The following GNG2 variants were observed in gnomAD, a reference collection of about 807,000 sequenced individuals.
GNG2 encodes the protein G protein subunit gamma 2, also known as guanine nucleotide-binding protein G(I)/G(S)/G(O) subunit gamma-2.
GNG2 carries 5 observed loss-of-function variants against 5.5 expected under a neutral mutation model. The ratio of observed to expected loss-of-function variants is 0.91; its 90% CI spans 0.48 to 1.92. The LOEUF (loss-of-function observed/expected upper bound fraction) is 1.92, where lower values mean the gene tolerates loss of function less well. Ranked by LOEUF, GNG2 falls within the 30% of genes most tolerant of loss-of-function variation. GNG2 has a pLI of 0.01. For synonymous variants in GNG2, 28 were observed against 32.0 expected, an observed-to-expected ratio of 0.88 and a Z score of 0.42; for missense variants, 55 against 88.4, an observed-to-expected ratio of 0.62 and a Z score of 1.52.
intron 2 of GNG2, among the ~76,000 whole-genome samples, chr14:51,848,498 C>A (rs1881745637): frequency 6.6e-6 from 1 of 152,186 alleles, no homozygotes; most frequent in African/African-American, 2.4e-5. Flanking sequence ...ACACACCCAA[C>A]TTCTGCAGTC....
chr14:51,907,849 C>T (rs1326762954), intron 2 of GNG2, among the ~76,000 whole-genome samples: 2 of 152,056 alleles, frequency 1.3e-5, no homozygotes, highest in African/African-American at 4.8e-5. Flanking sequence ...TGGTCTTTAC[C>T]GATTTAGGTT....
At chr14:51,862,923 A>G (rs1242368318) in intron 1 of GNG2, among the ~76,000 whole-genome samples, 1 of 150,658 alleles carries the variant, frequency 6.6e-6, no homozygotes, top group Non-Finnish European at 1.5e-5. Flanking sequence ...AGACTTAATG[A>G]TTTTTCCTGG....
At chr14:51,827,655 T>C (rs1029626740) in intron 1 of GNG2, 59 of 699,110 alleles carry the variant, frequency 8.4e-5, no homozygotes, top group Non-Finnish European at 1.3e-4. Flanking sequence ...ACGTATATGT[T>C]TACATATCCC....
rs1430865312 is a variant in GNG2, at chr14:51,967,531, G to C, written c.*844G>C. The C allele has an allele frequency of 6.6e-6, 1 of 152,090 alleles. No homozygotes were observed. The highest frequency in any genetic ancestry group is 1.5e-5 in the Non-Finnish European group (1 of 68,020). 9.4% of individuals were successfully genotyped at this position (152,090 alleles called of 1,614,324 possible). On this transcript the variant is annotated 3_prime_UTR_variant, in exon 4 of 4. Transcript: ENST00000556766. The stretch of plus-strand genomic sequence containing the variant: ...TCTAAAGCTGGGAAAGGAAATGAGA[G>C]GGAAAAGACCCCGGAGAGGGAAGAA...
At chr14:51,911,951 A>G (rs1244471102) in intron 2 of GNG2, among the ~76,000 whole-genome samples, 1 of 148,470 alleles carries the variant, frequency 6.7e-6, no homozygotes, top group African/African-American at 2.5e-5. Context: ...AGTAAATGAA[A>G]AAAAGTATAG....
At chr14:51,953,932 A>G (rs1369473623) in intron 3 of GNG2, among the ~76,000 whole-genome samples, 1 of 152,096 alleles carries the variant, frequency 6.6e-6, no homozygotes, top group Non-Finnish European at 1.5e-5. Flanking sequence ...GGCTTTATAT[A>G]CGTCTGGCAG....
intron 2 of GNG2, among the ~76,000 whole-genome samples, chr14:51,880,976 A>AAC (rs1019854812): frequency 4.0e-5 from 6 of 150,328 alleles, no homozygotes; most frequent in African/African-American, 7.3e-5. Flanking sequence ...AGAAAAAAAA[A>AAC]AAAAAAAAAA....
chr14:51,925,002 G>T (rs1298055655), intron 2 of GNG2, among the ~76,000 whole-genome samples: 2 of 152,152 alleles, frequency 1.3e-5, no homozygotes, highest in African/African-American at 4.8e-5. Context: ...TTTTATAAAG[G>T]ATTCAAAATC....
At chr14:51,879,784 G>A (rs1286853001) in intron 2 of GNG2, among the ~76,000 whole-genome samples, 3 of 152,124 alleles carry the variant, frequency 2.0e-5, no homozygotes, top group Admixed American at 1.3e-4. Flanking sequence ...ACCTGGATAA[G>A]CCAGGCTAAT....
intron 2 of GNG2, among the ~76,000 whole-genome samples, chr14:51,850,673 G>A (rs780973373): frequency 6.6e-6 from 1 of 152,198 alleles, no homozygotes; most frequent in Non-Finnish European, 1.5e-5. Flanking sequence ...TCTGCAGTCT[G>A]AACAGGAAGC....
intron 2 of GNG2, among the ~76,000 whole-genome samples, chr14:51,917,014 C>G (rs904623184): frequency 6.6e-6 from 1 of 152,124 alleles, no homozygotes; most frequent in African/African-American, 2.4e-5. Flanking sequence ...CACTGCCAGG[C>G]ATGTTCAGGG....
At chr14:51,936,612 A>G (rs1196705096) in intron 2 of GNG2, among the ~76,000 whole-genome samples, 1 of 150,192 alleles carries the variant, frequency 6.7e-6, no homozygotes, top group African/African-American at 2.5e-5. Context: ...GCGCAGTGGC[A>G]TGATCACAGC....
chr14:51,859,554 T>C (rs532724412), upstream of GNG2, among the ~76,000 whole-genome samples: 1 of 152,350 alleles, frequency 6.6e-6, no homozygotes, highest in African/African-American at 2.4e-5. Context: ...TAGCACCTTG[T>C]ATACCATCTC....
intron 1 of GNG2, among the ~76,000 whole-genome samples, chr14:51,826,986 G>A (rs1881046232): frequency 6.6e-6 from 1 of 152,160 alleles, no homozygotes. Flanking sequence ...TTTCCTGGGG[G>A]AAGGAGCGAG....
At chr14:51,896,425 G>A (rs11625611) in intron 2 of GNG2, among the ~76,000 whole-genome samples, 36 of 152,050 alleles carry the variant, frequency 2.4e-4, no homozygotes, top group Non-Finnish European at 4.9e-4. Flanking sequence ...GAATTGAATA[G>A]GTGTCTTTCT....
chr14:51,840,997 G>C (rs914231597), intron 2 of GNG2, among the ~76,000 whole-genome samples: 1 of 152,062 alleles, frequency 6.6e-6, no homozygotes, highest in Non-Finnish European at 1.5e-5. Context: ...TTTTTTCCGA[G>C]AGCAGAAGTC....
chr14:51,870,405 G>A (rs1352562072), intron 1 of GNG2, among the ~76,000 whole-genome samples: 2 of 152,150 alleles, frequency 1.3e-5, no homozygotes, highest in Non-Finnish European at 2.9e-5. Context: ...GTCCTATAAA[G>A]CAATAAGAAT....
At chr14:51,861,210 C>CA (rs1882456547) in intron 1 of GNG2, 1 of 152,092 alleles carries the variant, frequency 6.6e-6, no homozygotes, top group Admixed American at 6.5e-5. Context: ...TTCTGTTTTG[C>CA]AAAAATAATG....
Position 51,945,133 on chromosome 14 carries a change from C to CA in GNG2, c.-29-5509dup, listed in dbSNP as rs138395214. On this transcript the variant is annotated intron_variant, in intron 2 of 3. Coordinates refer to ENST00000556766, the MANE Select transcript of GNG2 (RefSeq NM_053064.5). ...ATGAAAACAAAACAAAACAAACAAA[C>CA]AAAAAAAACGGAAAATAACAAGTGT... 9.3e-5 allele frequency among the ~76,000 whole-genome samples: 14 copies of CA among 150,334 alleles called. No homozygotes were observed. The East Asian group carries it at 9.8e-4, about 10-fold the overall frequency.
Sources: gnomAD v4.1 joint callset for allele counts (sites outside exome capture counted in the v4.1 genomes callset) on GRCh38, gnomAD v4.1.1 for gene constraint, MANE v1.5 for transcripts, NCBI Gene and HGNC (gene_info 2026-07-23, HGNC 2026-07-21) for gene names.